CRACD: variants seen among roughly 807,000 people sequenced by gnomAD.
CRACD encodes the protein capping protein inhibiting regulator of actin dynamics, also known as capping protein-inhibiting regulator of actin dynamics.
Under a neutral mutation model 106.8 loss-of-function variants are expected in CRACD, and 56 were observed. That is an observed-to-expected ratio of 0.52 (90% CI 0.42 to 0.66). CRACD has a LOEUF of 0.66. Among genes scored for constraint, CRACD ranks in the 30% least tolerant of loss-of-function variants. CRACD has a pLI of 0.00. For missense variants in CRACD, 1,730 were observed against 1,623.2 expected (o/e 1.07, Z -1.13); for synonymous variants, 754 against 670.8 (o/e 1.12, Z -1.92).
intron 1 of CRACD, among the ~76,000 whole-genome samples, chr4:56,072,282 G>A (rs937554816): frequency 2.0e-5 from 3 of 152,020 alleles, no homozygotes; most frequent in Admixed American, 1.3e-4. Flanking sequence ...TCTACCTTTC[G>A]TGCTATAAAG....
chr4:56,199,409 C>T (rs997041182), intron 2 of CRACD, among the ~76,000 whole-genome samples: 9 of 152,038 alleles, frequency 5.9e-5, no homozygotes, highest in East Asian at 1.9e-4. Context: ...CCTGCCTGGG[C>T]GCAGTGGCTC....
chr4:56,201,193 A>G (rs925975762), intron 2 of CRACD, among the ~76,000 whole-genome samples: 5 of 152,128 alleles, frequency 3.3e-5, no homozygotes, highest in Admixed American at 1.3e-4. Context: ...GTGTGCTGTG[A>G]TTTTACTGCT....
intron 2 of CRACD, among the ~76,000 whole-genome samples, chr4:56,238,515 G>A (rs1461415811): frequency 6.6e-6 from 1 of 152,182 alleles, no homozygotes; most frequent in Non-Finnish European, 1.5e-5. Flanking sequence ...GGTGGAGCAA[G>A]ACACATAGAC....
rs1731776053 is a variant in CRACD, at chr4:56,049,158, G to GGGTGCGCTGCT, written c.-471_-461dup. 6.7e-6 allele frequency: 1 copy of GGGTGCGCTGCT among 149,594 alleles called. No individual in the cohort carries two copies. Among genetic ancestry groups the GGGTGCGCTGCT allele is most frequent in the South Asian group, 2.1e-4 (1 of 4,840 alleles). The allele number at this position is 149,594 out of a possible 1,614,324, so 9.3% of individuals were successfully genotyped here. ...TGGAGGCCACGGCCGACTGAGAGGCGGGTGCGCTGCTGGTGCTGCTGCCGC... is the reference window on the plus strand; with the variant it reads ...TGGAGGCCACGGCCGACTGAGAGGCGGGTGCGCTGCTGGTGCGCTGCTGGTGCTGCTGCCGC... On this transcript the variant is annotated 5_prime_UTR_variant, in exon 1 of 11. Transcript: ENST00000682029.
At chr4:56,294,496 G>A (rs1201144530) in intron 3 of CRACD, among the ~76,000 whole-genome samples, 1 of 152,054 alleles carries the variant, frequency 6.6e-6, no homozygotes, top group Non-Finnish European at 1.5e-5. Context: ...AAATACATGA[G>A]GAGTCAGCCC....
At position 56,278,683 on chromosome 4, in the gene CRACD, A is replaced by G. The variant is rs1017028874; in HGVS notation, c.-17+6191A>G. On this transcript the variant is annotated intron_variant, in intron 3 of 10. Transcript: ENST00000682029. ...AATTAAATTTTGTGTTACAAATGATATCATCAAGAAAGTTATAAAACAATC... is the reference window on the plus strand; with the variant it reads ...AATTAAATTTTGTGTTACAAATGATGTCATCAAGAAAGTTATAAAACAATC... Among the ~76,000 whole-genome samples, 47 of 152,220 alleles carry G rather than the reference A, an allele frequency of 3.1e-4. 2 individuals carry two copies. Among genetic ancestry groups the G allele is most frequent in the Non-Finnish European group, 1.5e-5 (1 of 68,028 alleles).
At chr4:56,164,136 A>AT (rs34769096) in intron 1 of CRACD, among the ~76,000 whole-genome samples, 4,141 of 141,344 alleles carry the variant, frequency 0.029, 68 homozygotes, top group African/African-American at 0.048. Context: ...ACAGGAGATA[A>AT]TTTTTTTTTT....
Position 56,302,971 on chromosome 4 carries a change from T to C in CRACD, c.121-4564T>C, listed in dbSNP as rs1428423003. ...CCAGTCTCAACAGTAACTCCATTCA[T>C]GGCCACCAGCAACATGGAGTGTCAG... On this transcript the variant is annotated intron_variant, in intron 4 of 10. Transcript: ENST00000682029. Among the ~76,000 whole-genome samples, 4 of 152,222 alleles carry C rather than the reference T, an allele frequency of 2.6e-5. No individual in the cohort carries two copies. In the East Asian group the frequency reaches 5.8e-4, roughly 22 times the overall value.
At chr4:56,284,917 TG>T (rs1326411413) in intron 3 of CRACD, among the ~76,000 whole-genome samples, 4 of 152,300 alleles carry the variant, frequency 2.6e-5, no homozygotes, top group African/African-American at 9.6e-5. Context: ...AGGTTTGAGC[TG>T]GATCTCAAAA....
chr4:56,171,387 GA>G (rs1321493872), intron 1 of CRACD, among the ~76,000 whole-genome samples: 1 of 152,160 alleles, frequency 6.6e-6, no homozygotes, highest in Non-Finnish European at 1.5e-5. Context: ...CAGTATCGAA[GA>G]AACTAAAGGA....
chr4:56,316,003 T>C lies in CRACD; in HGVS notation c.2501T>C (p.Val834Ala). 1.2e-6 allele frequency: 2 copies of C among 1,614,122 alleles called. No individual in the cohort carries two copies. Among genetic ancestry groups the C allele is most frequent in the African/African-American group, 2.7e-5 (2 of 75,006 alleles). The change falls in exon 8 of 11, where the codon GTG becomes GCG. Residue 834 changes from valine to alanine, a missense_variant. Transcript: ENST00000682029. ...TANGIAKPDPVMPGGEEKASP... is the reference protein window; with the variant it reads ...TANGIAKPDPAMPGGEEKASP... ...AACGGGATAGCAAAGCCAGACCCTG[T>C]GATGCCAGGTGGAGAGGAAAAAGCC...
intron 1 of CRACD, among the ~76,000 whole-genome samples, chr4:56,163,815 A>G (rs1008891165): frequency 2.6e-5 from 4 of 152,038 alleles, no homozygotes; most frequent in African/African-American, 4.8e-5. Flanking sequence ...GCACAGTCTC[A>G]GCTTACTGCA....
chr4:56,144,829 T>G (rs533734358), intron 1 of CRACD, among the ~76,000 whole-genome samples: 3 of 152,234 alleles, frequency 2.0e-5, no homozygotes, highest in South Asian at 4.2e-4. Flanking sequence ...AATGTTTATA[T>G]TTTTAGTAGA....
chr4:56,098,808 C>T (rs931407980), intron 1 of CRACD, among the ~76,000 whole-genome samples: 24 of 152,144 alleles, frequency 1.6e-4, no homozygotes, highest in African/African-American at 5.1e-4. Context: ...TCTCGTGCCT[C>T]AGCCTCCAGG....
chr4:56,074,646 A>G (rs1732774794), intron 1 of CRACD, among the ~76,000 whole-genome samples: 1 of 152,138 alleles, frequency 6.6e-6, no homozygotes, highest in Admixed American at 6.5e-5. Context: ...GGACAATTTG[A>G]CTTCCTCCCT....
In CRACD at chr4:56,104,835, C is replaced by G. The variant is rs867441700; in HGVS notation, c.-336+55536C>G. On this transcript the variant is annotated intron_variant, in intron 1 of 10. Transcript: ENST00000682029. Reference sequence around the variant, plus strand: ...ACAAAAAATTAGCTGGGCATGGTGGCGGGTGCCTGTAATCCCAGCTACTCG... The same window carrying G: ...ACAAAAAATTAGCTGGGCATGGTGGGGGGTGCCTGTAATCCCAGCTACTCG... 2.2e-4 allele frequency among the ~76,000 whole-genome samples: 34 copies of G among 151,968 alleles called. 1 individual carries two copies. Among genetic ancestry groups the G allele is most frequent in the African/African-American group, 6.5e-4 (27 of 41,460 alleles).
intron 2 of CRACD, among the ~76,000 whole-genome samples, chr4:56,253,988 T>C (rs529608124): frequency 4.6e-5 from 7 of 152,324 alleles, no homozygotes; most frequent in African/African-American, 1.2e-4. Context: ...ACTTCAATCA[T>C]TGACCCTTCG....
chr4:56,070,301 ATT>A (rs56087277), intron 1 of CRACD, among the ~76,000 whole-genome samples: 15 of 133,532 alleles, frequency 1.1e-4, no homozygotes, highest in African/African-American at 2.8e-4. Context: ...GTCCTTGCCC[ATT>A]TTTTTTTTTT....
intron 2 of CRACD, among the ~76,000 whole-genome samples, chr4:56,223,684 G>A (rs1739162401): frequency 6.6e-6 from 1 of 151,994 alleles, no homozygotes; most frequent in Non-Finnish European, 1.5e-5. Context: ...CTGTTTTCTG[G>A]GCCTTCTGTT....
Sources: gnomAD v4.1 joint callset for allele counts (sites outside exome capture counted in the v4.1 genomes callset) on GRCh38, gnomAD v4.1.1 for gene constraint, MANE v1.5 for transcripts, NCBI Gene and HGNC (gene_info 2026-07-23, HGNC 2026-07-21) for gene names.